The following EIF4EBP2 variants were observed in gnomAD, a reference collection of about 807,000 sequenced individuals.
EIF4EBP2 encodes eukaryotic translation initiation factor 4E-binding protein 2.
In EIF4EBP2, 5 loss-of-function variants were observed where a neutral mutation model predicts 10.3. The ratio of observed to expected loss-of-function variants is 0.48; its 90% CI spans 0.25 to 1.02. The LOEUF is 1.02. Among genes scored for constraint, EIF4EBP2 ranks in the 50% least tolerant of loss-of-function variants. The pLI, the probability that EIF4EBP2 is intolerant of heterozygous loss-of-function variation, is 0.15. For synonymous variants in EIF4EBP2, 67 were observed against 61.1 expected, an observed-to-expected ratio of 1.10 and a Z score of -0.45; for missense variants, 188 against 162.2, an observed-to-expected ratio of 1.16 and a Z score of -0.86.
At chr10:70,416,577 C>CA (rs370665696) in intron 1 of EIF4EBP2, among the ~76,000 whole-genome samples, 31,887 of 79,332 alleles carry the variant, frequency 0.4, 5,050 homozygotes, top group South Asian at 0.43. Context: ...GACTCTGTCT[C>CA]AAAAAAAAAA....
intron 1 of EIF4EBP2, among the ~76,000 whole-genome samples, chr10:70,407,720 C>CG (rs1205930241): frequency 2.8e-5 from 2 of 72,616 alleles, no homozygotes; most frequent in African/African-American, 4.5e-5. Flanking sequence ...ACCTCCCGGG[C>CG]GGGGGGCTGA....
At chr10:70,407,492 GAA>G (rs1844982215) in intron 1 of EIF4EBP2, among the ~76,000 whole-genome samples, 3 of 150,590 alleles carry the variant, frequency 2.0e-5, no homozygotes, top group Admixed American at 2.0e-4. Context: ...AGAACAAAAT[GAA>G]AAGTCTCCCA....
chr10:70,410,301 C>G (rs903427397), intron 1 of EIF4EBP2, among the ~76,000 whole-genome samples: 10 of 152,178 alleles, frequency 6.6e-5, no homozygotes, highest in African/African-American at 2.4e-4. Flanking sequence ...AACTCCTGAC[C>G]TCAAGTGATC....
In EIF4EBP2 at chr10:70,404,299, C is replaced by G; in HGVS notation, c.-103C>G. The G allele has an allele frequency of 7.3e-7, 1 of 1,372,412 alleles. No homozygotes were observed. The highest frequency in any genetic ancestry group is 9.5e-7 in the Non-Finnish European group (1 of 1,056,614). 85.0% of individuals were successfully genotyped at this position (1,372,412 alleles called of 1,614,324 possible). A position where few individuals can be genotyped will look rare whatever the true frequency, so the allele number is the denominator to read the frequency against. ...GGAACGGGAGGAAGCGAGCGAGGAGCGCGCAGAGCGCGCTTTTCCGTCCGC... is the reference window on the plus strand; with the variant it reads ...GGAACGGGAGGAAGCGAGCGAGGAGGGCGCAGAGCGCGCTTTTCCGTCCGC... On this transcript the variant is annotated 5_prime_UTR_variant, in exon 1 of 3. Coordinates refer to ENST00000373218, the MANE Select transcript of EIF4EBP2 (RefSeq NM_004096.5).
chr10:70,413,405 C>T (rs532829156), intron 1 of EIF4EBP2, among the ~76,000 whole-genome samples: 2 of 152,130 alleles, frequency 1.3e-5, no homozygotes, highest in East Asian at 1.9e-4. Flanking sequence ...GCAGGAGAAT[C>T]GCTTGAGCCC....
chr10:70,413,202 G>A (rs1845061951), intron 1 of EIF4EBP2, among the ~76,000 whole-genome samples: 1 of 152,080 alleles, frequency 6.6e-6, no homozygotes, highest in Non-Finnish European at 1.5e-5. Context: ...TCCTCTAGTA[G>A]TTATCTTTAA....
chr10:70,417,198 A>G (rs1845106926), intron 1 of EIF4EBP2, among the ~76,000 whole-genome samples: 1 of 152,232 alleles, frequency 6.6e-6, no homozygotes, highest in Non-Finnish European at 1.5e-5. Context: ...ATGCTACAAC[A>G]TAAATGAACT....
rs1845193157 is a variant in EIF4EBP2, at chr10:70,425,087, G to A, written c.*3340G>A. 6.6e-6 allele frequency: 1 copy of A among 152,308 alleles called. No homozygotes were observed. The highest frequency in any genetic ancestry group is 6.5e-5 in the Admixed American group (1 of 15,284). 9.4% of individuals were successfully genotyped at this position (152,308 alleles called of 1,614,324 possible). On this transcript the variant is annotated 3_prime_UTR_variant, in exon 3 of 3. Coordinates refer to ENST00000373218, the MANE Select transcript of EIF4EBP2 (RefSeq NM_004096.5). ...ATTGAACAGGGGCTGCAGTCAGCTG[G>A]AGCTGGAGAAACCACTTCCAAGTTC... is the stretch of plus-strand genomic sequence containing the variant.
At chr10:70,406,173 G>C (rs1241248409) in intron 1 of EIF4EBP2, among the ~76,000 whole-genome samples, 2 of 152,084 alleles carry the variant, frequency 1.3e-5, no homozygotes, top group African/African-American at 2.4e-5. Context: ...GTAGAGTCTG[G>C]GTTTCTCCAT....
intron 1 of EIF4EBP2, among the ~76,000 whole-genome samples, chr10:70,418,291 C>G (rs1280072101): frequency 1.3e-5 from 2 of 152,230 alleles, no homozygotes; most frequent in Non-Finnish European, 2.9e-5. Context: ...TGTTGGACTT[C>G]TAGCCTCCAG....
intron 1 of EIF4EBP2, 29 bp downstream of exon 1, chr10:70,404,575 C>T: frequency 1.3e-6 from 2 of 1,512,452 alleles, no homozygotes; most frequent in Non-Finnish European, 1.8e-6. Context: ...TCCGCCGCGC[C>T]CGGTGTCCCG....
chr10:70,426,387 C>T lies in EIF4EBP2; in HGVS notation c.*4640C>T, dbSNP rs1181665616. 1 of 152,260 alleles carries T rather than the reference C, an allele frequency of 6.6e-6. No homozygotes were observed. Among genetic ancestry groups the T allele is most frequent in the Non-Finnish European group, 1.5e-5 (1 of 68,092 alleles). 9.4% of individuals were successfully genotyped at this position (152,260 alleles called of 1,614,324 possible). ...CCAGGTTCAAGTGTTTCTCCTGCCT[C>T]AGCCTTCCGAGTAGCTGGGATTACA... On this transcript the variant is annotated 3_prime_UTR_variant, in exon 3 of 3. Transcript: ENST00000373218.
At chr10:70,405,978 A>G (rs1224504316) in intron 1 of EIF4EBP2, among the ~76,000 whole-genome samples, 4 of 152,118 alleles carry the variant, frequency 2.6e-5, no homozygotes, top group African/African-American at 9.7e-5. Flanking sequence ...GATCAGTTCA[A>G]GACCAACTCG....
rs969521375 is a variant in EIF4EBP2, at chr10:70,425,035, C to A, written c.*3288C>A. 6.6e-6 allele frequency: 1 copy of A among 152,192 alleles called. No homozygotes were observed. The highest frequency in any genetic ancestry group is 1.5e-5 in the Non-Finnish European group (1 of 68,036). The allele number at this position is 152,192 out of a possible 1,614,324, so 9.4% of individuals were successfully genotyped here. On this transcript the variant is annotated 3_prime_UTR_variant, in exon 3 of 3. Transcript: ENST00000373218. ...AGTAGTTTAACATGATGGTTCTGGC[C>A]CATGGTATCATGAAGTTACAGTCAA...
intron 1 of EIF4EBP2, among the ~76,000 whole-genome samples, chr10:70,415,553 G>A (rs180706512): frequency 1.3e-5 from 2 of 152,324 alleles, no homozygotes; most frequent in East Asian, 3.9e-4. Context: ...AGTCAAGACA[G>A]TGGGGTACTA....
intron 1 of EIF4EBP2, among the ~76,000 whole-genome samples, chr10:70,407,062 T>C (rs1012642587): frequency 9.9e-5 from 15 of 151,898 alleles, no homozygotes; most frequent in Non-Finnish European, 2.1e-4. Context: ...CACGCCCAGC[T>C]AATTTTTTGT....
chr10:70,419,367 G>C (rs1242744823), intron 1 of EIF4EBP2, among the ~76,000 whole-genome samples: 1 of 152,226 alleles, frequency 6.6e-6, no homozygotes, highest in Middle Eastern at 3.2e-3. Context: ...GGGGCTGCCA[G>C]TTTCAGCTTT....
In EIF4EBP2 at chr10:70,422,199, C is replaced by T. The variant is rs1346540552; in HGVS notation, c.*452C>T. 6.3e-6 allele frequency: 1 copy of T among 157,544 alleles called. No individual in the cohort carries two copies. The highest frequency in any genetic ancestry group is 1.4e-5 in the Non-Finnish European group (1 of 71,394). The allele number at this position is 157,544 out of a possible 1,614,324, so 9.8% of individuals were successfully genotyped here. On this transcript the variant is annotated 3_prime_UTR_variant, in exon 3 of 3. Transcript: ENST00000373218. ...TCATATTCCTTACCCTCTGTCTCTCCTCCCTGTATCCCACCTATGGTTCAG... is the reference window on the plus strand; with the variant it reads ...TCATATTCCTTACCCTCTGTCTCTCTTCCCTGTATCCCACCTATGGTTCAG...
rs567591401 is a variant in EIF4EBP2 at position 70,426,168 on chromosome 10, G to A, written c.*4421G>A. 1 of 152,338 alleles carries A rather than the reference G, an allele frequency of 6.6e-6. No individual in the cohort carries two copies. The highest frequency in any genetic ancestry group is 6.5e-5 in the Admixed American group (1 of 15,304). The allele number at this position is 152,338 out of a possible 1,614,324, so 9.4% of individuals were successfully genotyped here. On this transcript the variant is annotated 3_prime_UTR_variant, in exon 3 of 3. Transcript: ENST00000373218. ...AAGTTTTTCAGTTTAAGACATTCTAGTGAATGGCTGCTATGTGTTTCTGGC... is the reference window on the plus strand; with the variant it reads ...AAGTTTTTCAGTTTAAGACATTCTAATGAATGGCTGCTATGTGTTTCTGGC...
Sources: allele counts gnomAD v4.1 joint callset (sites outside exome capture counted in the v4.1 genomes callset), GRCh38; gene constraint gnomAD v4.1.1; transcripts MANE v1.5; gene names NCBI Gene and HGNC (gene_info 2026-07-23, HGNC 2026-07-21).